CNTNAP2: variants seen among roughly 807,000 people sequenced by gnomAD.
The protein encoded by CNTNAP2 is contactin-associated protein-like 2.
CNTNAP2 carries 98 observed loss-of-function variants against 155.2 expected under a neutral mutation model. That is an observed-to-expected ratio of 0.63 (90% CI 0.54 to 0.75). The LOEUF (loss-of-function observed/expected upper bound fraction) is 0.75, where lower values mean the gene tolerates loss of function less well. CNTNAP2 is among the 30% of genes least tolerant of loss of function. The pLI, the probability that CNTNAP2 is intolerant of heterozygous loss-of-function variation, is 0.00. For synonymous variants in CNTNAP2, 651 were observed against 631.2 expected, an observed-to-expected ratio of 1.03 and a Z score of -0.47; for missense variants, 1,727 against 1,688.1, an observed-to-expected ratio of 1.02 and a Z score of -0.40.
At chr7:146,857,545 T>A (rs1585125034) in intron 3 of CNTNAP2, among the ~76,000 whole-genome samples, 1 of 152,164 alleles carries the variant, frequency 6.6e-6, no homozygotes, top group Non-Finnish European at 1.5e-5. Context: ...GATCTTTCCA[T>A]TAACTAGCTA....
At chr7:148,095,504 T>C (rs1440061397) in intron 15 of CNTNAP2, among the ~76,000 whole-genome samples, 1 of 152,222 alleles carries the variant, frequency 6.6e-6, no homozygotes, top group East Asian at 1.9e-4. Flanking sequence ...GCAGAGCTTC[T>C]GTAGAAAAGA....
intron 1 of CNTNAP2, among the ~76,000 whole-genome samples, chr7:146,574,377 C>A (rs1295952107): frequency 6.6e-6 from 1 of 152,054 alleles, no homozygotes; most frequent in African/African-American, 2.4e-5. Context: ...GTCAGGCATG[C>A]AATATTAATT....
chr7:146,826,851 T>TAG lies in CNTNAP2; in HGVS notation c.209-12859_209-12858insGA, dbSNP rs1437184151. On this transcript the variant is annotated intron_variant, in intron 2 of 23. Coordinates refer to ENST00000361727, the MANE Select transcript of CNTNAP2 (RefSeq NM_014141.6). Reference sequence around the variant, plus strand: ...ATGAATATATGTATATATATATATATATATATAGAGAGAGAGAGAGAGAGA... The same window carrying TAG: ...ATGAATATATGTATATATATATATATAGATATATAGAGAGAGAGAGAGAGAGA... 8.4e-3 allele frequency among the ~76,000 whole-genome samples: 1,200 copies of TAG among 142,428 alleles called. 20 individuals carry two copies. The highest frequency in any genetic ancestry group is 0.028 in the African/African-American group (958 of 34,502). The allele number at this position is 142,428 out of a possible 152,430, so 93.4% of individuals were successfully genotyped here. A position where few individuals can be genotyped will look rare whatever the true frequency, so the allele number is the denominator to read the frequency against.
intron 19 of CNTNAP2, among the ~76,000 whole-genome samples, chr7:148,224,080 A>G (rs1795798860): frequency 6.6e-6 from 1 of 152,148 alleles, no homozygotes. Context: ...GACCTTTAAA[A>G]AAAAAAAGCT....
chr7:146,130,936 C>A (rs1390853113), intron 1 of CNTNAP2, among the ~76,000 whole-genome samples: 1 of 152,158 alleles, frequency 6.6e-6, no homozygotes, highest in African/African-American at 2.4e-5. Flanking sequence ...GGGAACCATC[C>A]CTATGATCCA....
chr7:147,129,245 T>G (rs548497261), intron 7 of CNTNAP2, among the ~76,000 whole-genome samples: 6 of 152,222 alleles, frequency 3.9e-5, no homozygotes, highest in Non-Finnish European at 8.8e-5. Context: ...GACTTTATTA[T>G]ATTTACTCCT....
intron 1 of CNTNAP2, among the ~76,000 whole-genome samples, chr7:146,354,273 C>G (rs73738239): frequency 0.039 from 6,003 of 152,194 alleles, 415 homozygotes; most frequent in African/African-American, 0.14. Context: ...GTCTGCCTTG[C>G]AAGGTTTTTA....
chr7:147,645,396 G>A (rs546431467), intron 13 of CNTNAP2, among the ~76,000 whole-genome samples: 1 of 152,242 alleles, frequency 6.6e-6, no homozygotes, highest in African/African-American at 2.4e-5. Flanking sequence ...AAAATTTATT[G>A]TGACTAATCA....
intron 15 of CNTNAP2, among the ~76,000 whole-genome samples, chr7:148,019,353 G>A (rs1448424614): frequency 6.6e-6 from 1 of 152,178 alleles, no homozygotes; most frequent in Non-Finnish European, 1.5e-5. Context: ...ACCTTCCTAT[G>A]TGCAGGTGTG....
intron 7 of CNTNAP2, among the ~76,000 whole-genome samples, chr7:147,130,327 A>C (rs1184210711): frequency 1.3e-5 from 2 of 151,928 alleles, no homozygotes; most frequent in African/African-American, 4.8e-5. Context: ...TGGTGCATGC[A>C]TGTAGTCCTA....
At chr7:146,945,252 C>T (rs1797139698) in intron 3 of CNTNAP2, among the ~76,000 whole-genome samples, 2 of 152,182 alleles carry the variant, frequency 1.3e-5, no homozygotes, top group Admixed American at 1.3e-4. Flanking sequence ...TTTAGCACGG[C>T]ACTGCCATGT....
chr7:146,794,643 G>A (rs1310652897), intron 2 of CNTNAP2, among the ~76,000 whole-genome samples: 1 of 152,144 alleles, frequency 6.6e-6, no homozygotes, highest in East Asian at 1.9e-4. Flanking sequence ...GTTGTATGTA[G>A]TGAAGCCAGG....
At chr7:147,940,217 A>G (rs1253554732) in intron 14 of CNTNAP2, 1 of 149,912 alleles carries the variant, frequency 6.7e-6, no homozygotes, top group Non-Finnish European at 1.5e-5. Flanking sequence ...GAGCAGGTCA[A>G]AATTTCCATT....
intron 1 of CNTNAP2, among the ~76,000 whole-genome samples, chr7:146,295,935 A>G (rs147685421): frequency 0.015 from 2,266 of 152,154 alleles, 30 homozygotes; most frequent in Middle Eastern, 0.041. Context: ...AATGCTTGAC[A>G]GAGCAAAGTG....
At chr7:148,099,996 T>C (rs1009500058) in intron 15 of CNTNAP2, among the ~76,000 whole-genome samples, 1 of 150,806 alleles carries the variant, frequency 6.6e-6, no homozygotes, top group Non-Finnish European at 1.5e-5. Flanking sequence ...CTCAGCCTTC[T>C]GAATAGCTGG....
At chr7:147,326,049 A>C (rs1188372602) in intron 9 of CNTNAP2, among the ~76,000 whole-genome samples, 14 of 151,908 alleles carry the variant, frequency 9.2e-5, no homozygotes. Context: ...CAGCCTCCCC[A>C]GTAGCTGGGA....
chr7:147,252,239 A>T (rs1804215218), intron 8 of CNTNAP2, among the ~76,000 whole-genome samples: 1 of 152,194 alleles, frequency 6.6e-6, no homozygotes, highest in South Asian at 2.1e-4. Context: ...TGTAAGATGG[A>T]TTAAAGATGT....
chr7:148,033,588 C>T (rs1205659648), intron 15 of CNTNAP2, among the ~76,000 whole-genome samples: 1 of 152,120 alleles, frequency 6.6e-6, no homozygotes, highest in East Asian at 1.9e-4. Context: ...AGATTCTGAG[C>T]AAGACAACCT....
At chr7:147,135,377 C>A (rs555723657) in intron 8 of CNTNAP2, among the ~76,000 whole-genome samples, 34 of 151,734 alleles carry the variant, frequency 2.2e-4, no homozygotes, top group East Asian at 9.7e-4. Context: ...ACAACAACAA[C>A]AAAAAACCCT....
Sources: gnomAD v4.1 joint callset for allele counts (sites outside exome capture counted in the v4.1 genomes callset) on GRCh38, gnomAD v4.1.1 for gene constraint, MANE v1.5 for transcripts, NCBI Gene and HGNC (gene_info 2026-07-23, HGNC 2026-07-21) for gene names.